FAM135B: variants seen among roughly 807,000 people sequenced by gnomAD.
The protein encoded by FAM135B is protein FAM135B.
Under a neutral mutation model 127.7 loss-of-function variants are expected in FAM135B, and 43 were observed. The observed-to-expected ratio is 0.34, with a 90% CI of 0.26 to 0.43. The LOEUF is 0.43. Ranked by LOEUF, FAM135B falls within the 20% of genes least tolerant of loss-of-function variation. The pLI is 1.00. For missense variants in FAM135B, 1,558 were observed against 1,725.6 expected (o/e 0.90, Z 1.72); for synonymous variants, 670 against 665.1 (o/e 1.01, Z -0.11).
intron 1 of FAM135B, among the ~76,000 whole-genome samples, chr8:138,458,912 A>C (rs1476061289): frequency 6.6e-6 from 1 of 152,160 alleles, no homozygotes; most frequent in Non-Finnish European, 1.5e-5. Flanking sequence ...AGCAAAGTGA[A>C]GTGTGGGATT....
At chr8:138,381,435 GC>G (rs1831850831) in intron 1 of FAM135B, among the ~76,000 whole-genome samples, 1 of 152,048 alleles carries the variant, frequency 6.6e-6, no homozygotes, top group Non-Finnish European at 1.5e-5. Flanking sequence ...CCTAACAGAA[GC>G]CCCCAACCTT....
chr8:138,451,880 T>C (rs1302840413), intron 1 of FAM135B, among the ~76,000 whole-genome samples: 1 of 152,138 alleles, frequency 6.6e-6, no homozygotes, highest in Non-Finnish European at 1.5e-5. Flanking sequence ...GAGAGATGTT[T>C]CAAGACATTG....
intron 12 of FAM135B, among the ~76,000 whole-genome samples, chr8:138,160,090 T>C (rs917768190): frequency 1.3e-5 from 2 of 152,108 alleles, no homozygotes; most frequent in African/African-American, 4.8e-5. Flanking sequence ...GAGGCTTAGA[T>C]GAGTGTCTCT....
At chr8:138,205,431 G>T (rs1334664637) in intron 7 of FAM135B, among the ~76,000 whole-genome samples, 1 of 152,284 alleles carries the variant, frequency 6.6e-6, no homozygotes, top group Non-Finnish European at 1.5e-5. Context: ...GGAAACAGTC[G>T]AGTTGAACTT....
intron 7 of FAM135B, among the ~76,000 whole-genome samples, chr8:138,236,378 T>C (rs962954467): frequency 3.3e-5 from 5 of 149,546 alleles, no homozygotes; most frequent in African/African-American, 1.0e-4. Flanking sequence ...AATGAATAAA[T>C]GGATAAAGAA....
intron 1 of FAM135B, among the ~76,000 whole-genome samples, chr8:138,466,859 C>A (rs76716644): frequency 1.3e-4 from 20 of 152,110 alleles, no homozygotes; most frequent in Non-Finnish European, 2.4e-4. Context: ...AAGTATAGTG[C>A]AGCAAATTTA....
chr8:138,256,880 T>C (rs1822139022), intron 4 of FAM135B, 121 bp from the exon 5 acceptor site: 1 of 741,510 alleles, frequency 1.3e-6, no homozygotes, highest in African/African-American at 1.7e-5. Flanking sequence ...ATGTCATTTA[T>C]GCTGAAAGCA....
chr8:138,262,434 G>T (rs1197593826), intron 4 of FAM135B, among the ~76,000 whole-genome samples: 1 of 152,140 alleles, frequency 6.6e-6, no homozygotes, highest in Non-Finnish European at 1.5e-5. Flanking sequence ...CCTTGAGCTT[G>T]CAGTCTGTTT....
intron 1 of FAM135B, among the ~76,000 whole-genome samples, chr8:138,480,885 T>C (rs553442743): frequency 6.6e-6 from 1 of 152,340 alleles, no homozygotes; most frequent in Admixed American, 6.5e-5. Context: ...CTCAACTCTC[T>C]GAGCTTCAGA....
At chr8:138,328,175 G>A (rs895340364) in intron 2 of FAM135B, among the ~76,000 whole-genome samples, 10 of 152,110 alleles carry the variant, frequency 6.6e-5, no homozygotes, top group African/African-American at 2.4e-4. Context: ...GAGATGCCCT[G>A]TAAAGAAATT....
chr8:138,231,134 C>T (rs1374350852), intron 7 of FAM135B, among the ~76,000 whole-genome samples: 1 of 152,038 alleles, frequency 6.6e-6, no homozygotes, highest in African/African-American at 2.4e-5. Flanking sequence ...ATTCTCCTGC[C>T]TCAGCCTCCC....
chr8:138,454,118 T>C (rs546331323), intron 1 of FAM135B, among the ~76,000 whole-genome samples: 1 of 151,950 alleles, frequency 6.6e-6, no homozygotes, highest in East Asian at 1.9e-4. Flanking sequence ...AAAATGAAGG[T>C]AATTGCACAA....
chr8:138,215,129 A>T (rs1818448395), intron 7 of FAM135B, among the ~76,000 whole-genome samples: 1 of 152,198 alleles, frequency 6.6e-6, no homozygotes, highest in African/African-American at 2.4e-5. Flanking sequence ...ATATCTAGAC[A>T]TGATTAAATA....
chr8:138,164,514 C>G (rs887984750), intron 12 of FAM135B, among the ~76,000 whole-genome samples: 2 of 152,234 alleles, frequency 1.3e-5, no homozygotes, highest in African/African-American at 4.8e-5. Context: ...CTGGGAACTG[C>G]TTAAGGCAAA....
At chr8:138,327,027 T>C (rs933904586) in intron 2 of FAM135B, among the ~76,000 whole-genome samples, 1 of 152,198 alleles carries the variant, frequency 6.6e-6, no homozygotes, top group Non-Finnish European at 1.5e-5. Flanking sequence ...TGGCCCATCA[T>C]CCAATTCATT....
At chr8:138,450,373 C>A (rs1589228) in intron 1 of FAM135B, 87,918 of 152,062 alleles carry the variant, frequency 0.58, 27,234 homozygotes, top group African/African-American at 0.8. Flanking sequence ...GAGGAGCACA[C>A]TTGTTGGATT....
chr8:138,409,541 C>T (rs1022613715), intron 1 of FAM135B, among the ~76,000 whole-genome samples: 5 of 151,946 alleles, frequency 3.3e-5, no homozygotes, highest in Non-Finnish European at 7.4e-5. Flanking sequence ...TTGCCACAAA[C>T]CTTTAATTTG....
chr8:138,341,029 G>T (rs555605812), intron 2 of FAM135B, among the ~76,000 whole-genome samples: 4 of 152,158 alleles, frequency 2.6e-5, no homozygotes, highest in African/African-American at 7.2e-5. Flanking sequence ...GAGAGAAACT[G>T]AAACAAAGTA....
intron 2 of FAM135B, among the ~76,000 whole-genome samples, chr8:138,318,957 A>C (rs1367691345): frequency 1.3e-5 from 2 of 152,214 alleles, no homozygotes; most frequent in Non-Finnish European, 2.9e-5. Flanking sequence ...TATGATGTGC[A>C]AGATACTGTT....
Sources: gnomAD v4.1 joint callset for allele counts (sites outside exome capture counted in the v4.1 genomes callset) on GRCh38, gnomAD v4.1.1 for gene constraint, MANE v1.5 for transcripts, NCBI Gene and HGNC (gene_info 2026-07-23, HGNC 2026-07-21) for gene names.